The following GRIK4 variants were observed in gnomAD, a reference collection of about 807,000 sequenced individuals.
The protein encoded by GRIK4 is glutamate ionotropic receptor kainate type subunit 4, also known as glutamate receptor ionotropic, kainate 4.
In GRIK4, 40 loss-of-function variants were observed where a neutral mutation model predicts 104.9. The ratio of observed to expected loss-of-function variants is 0.38; its 90% confidence interval spans 0.30 to 0.50. The LOEUF (loss-of-function observed/expected upper bound fraction) is 0.50, where lower values mean the gene tolerates loss of function less well. Among genes scored for constraint, GRIK4 ranks in the 20% least tolerant of loss-of-function variants. The pLI, the probability that GRIK4 is intolerant of heterozygous loss-of-function variation, is 0.93. For synonymous variants in GRIK4, 485 were observed against 524.9 expected (o/e 0.92, Z 1.04); for missense variants, 1,047 against 1,308.1 (o/e 0.80, Z 3.08).
At chr11:120,774,284 G>C (rs1475756073) in intron 3 of GRIK4, among the ~76,000 whole-genome samples, 1 of 152,216 alleles carries the variant, frequency 6.6e-6, no homozygotes, top group African/African-American at 2.4e-5. Flanking sequence ...TAGGGTTAGA[G>C]AGCTGTGTAT....
At chr11:120,526,550 A>G (rs1328086917) in intron 1 of GRIK4, among the ~76,000 whole-genome samples, 2 of 152,204 alleles carry the variant, frequency 1.3e-5, no homozygotes, top group Non-Finnish European at 2.9e-5. Context: ...GTTTGTTTTT[A>G]GGCCGGGCAC....
At chr11:120,898,411 C>G (rs1446281938) in intron 11 of GRIK4, 121 bp from the exon 12 acceptor site, 1 of 659,008 alleles carries the variant, frequency 1.5e-6, no homozygotes, top group Admixed American at 2.3e-5. Context: ...GCCCCCGGCT[C>G]CGTACTCCAC....
chr11:120,861,371 G>A (rs1954259426), intron 8 of GRIK4, among the ~76,000 whole-genome samples: 2 of 152,064 alleles, frequency 1.3e-5, no homozygotes, highest in Non-Finnish European at 2.9e-5. Flanking sequence ...GCCTCCCAAA[G>A]TGCTGGGATT....
intron 3 of GRIK4, among the ~76,000 whole-genome samples, chr11:120,699,535 G>T (rs968081369): frequency 3.2e-5 from 3 of 92,902 alleles, no homozygotes; most frequent in African/African-American, 5.1e-5. Flanking sequence ...AGTCAGGTGT[G>T]TGTATGTGTG....
At position 120,885,531 on chromosome 11, in the gene GRIK4, G is replaced by A. The variant is rs575594908; in HGVS notation, c.1164+10288G>A. 3.2e-4 allele frequency among the ~76,000 whole-genome samples: 49 copies of A among 152,132 alleles called. No homozygotes were observed. The South Asian group carries it at 9.8e-3, about 30-fold the overall frequency. ...CTCCTAAGTAGCTGAGATTACAGGC[G>A]CCTACCACCACGGCTGGCTAATTTT... On this transcript the variant is annotated intron_variant, in intron 11 of 20. Transcript: ENST00000527524.
intron 3 of GRIK4, among the ~76,000 whole-genome samples, chr11:120,768,199 T>C (rs1951872406): frequency 6.6e-6 from 1 of 152,054 alleles, no homozygotes; most frequent in South Asian, 2.1e-4. Context: ...ATCTTTCCAT[T>C]TATTTGTTTA....
intron 19 of GRIK4, among the ~76,000 whole-genome samples, chr11:120,972,380 C>T (rs543980330): frequency 6.6e-6 from 1 of 152,236 alleles, no homozygotes; most frequent in East Asian, 1.9e-4. Context: ...GCTTTAAGTT[C>T]CAAAATAAGT....
intron 3 of GRIK4, among the ~76,000 whole-genome samples, chr11:120,721,514 G>A (rs1394392477): frequency 2.0e-5 from 3 of 152,196 alleles, no homozygotes; most frequent in Non-Finnish European, 4.4e-5. Flanking sequence ...GAGGTCCTGG[G>A]ATCACTCAGG....
At chr11:120,696,201 C>T (rs555153320) in intron 3 of GRIK4, among the ~76,000 whole-genome samples, 235 of 152,226 alleles carry the variant, frequency 1.5e-3, no homozygotes, top group African/African-American at 5.4e-3. Flanking sequence ...GCTAATTAAC[C>T]CTGGGAGTGC....
intron 1 of GRIK4, among the ~76,000 whole-genome samples, chr11:120,651,975 G>A (rs1949625415): frequency 6.6e-6 from 1 of 152,204 alleles, no homozygotes; most frequent in African/African-American, 2.4e-5. Context: ...GAAGGTGGGT[G>A]TAGTGAGTGA....
intron 1 of GRIK4, among the ~76,000 whole-genome samples, chr11:120,529,775 T>C (rs1947904203): frequency 6.6e-6 from 1 of 152,218 alleles, no homozygotes; most frequent in South Asian, 2.1e-4. Flanking sequence ...TGCTTTCACA[T>C]CCAGCATCTC....
In GRIK4 at chr11:120,519,889, T is replaced by TG. The variant is rs1555132644; in HGVS notation, c.-159+8002_-159+8003insG. 4.5e-3 allele frequency among the ~76,000 whole-genome samples: 660 copies of TG among 146,424 alleles called. 8 individuals are homozygous for TG. Among genetic ancestry groups the TG allele is most frequent in the African/African-American group, 0.016 (639 of 38,754 alleles). ...GGTTTTTTTTTTTTTTGTTTTTTTT[T>TG]TTGTTGTTGTTGTTTTTTTTTGAGA... is the stretch of plus-strand genomic sequence containing the variant. On this transcript the variant is annotated intron_variant, in intron 1 of 20. Coordinates refer to ENST00000527524, the MANE Select transcript of GRIK4 (RefSeq NM_014619.5).
intron 3 of GRIK4, among the ~76,000 whole-genome samples, chr11:120,753,563 T>G (rs1951599247): frequency 6.6e-6 from 1 of 152,184 alleles, no homozygotes; most frequent in South Asian, 2.1e-4. Context: ...GTGTTGAATT[T>G]GAATGAGAGA....
At chr11:120,691,646 G>C (rs1039975666) in intron 3 of GRIK4, among the ~76,000 whole-genome samples, 6 of 152,210 alleles carry the variant, frequency 3.9e-5, no homozygotes. Context: ...GTAGCATTTA[G>C]GTGAGGGAAT....
intron 3 of GRIK4, among the ~76,000 whole-genome samples, chr11:120,773,406 G>A (rs7938295): frequency 0.1 from 15,880 of 152,282 alleles, 1,770 homozygotes; most frequent in African/African-American, 0.28. Context: ...TGGATAAAAT[G>A]TAATAACAAA....
chr11:120,629,020 G>A lies in GRIK4; in HGVS notation c.-158-24665G>A, dbSNP rs1309561929. On this transcript the variant is annotated intron_variant, in intron 1 of 20. Transcript: ENST00000527524. Reference sequence around the variant, plus strand: ...AGATGAAATCACCACCGAGCAAGGCGGCAGAAGGAGGCACGCGGCCGCTGA... The same window carrying A: ...AGATGAAATCACCACCGAGCAAGGCAGCAGAAGGAGGCACGCGGCCGCTGA... Among the ~76,000 whole-genome samples, 5 of 152,184 alleles carry A rather than the reference G, an allele frequency of 3.3e-5. No homozygotes were observed. In the East Asian group the frequency reaches 5.8e-4, roughly 18 times the overall value.
intron 3 of GRIK4, among the ~76,000 whole-genome samples, chr11:120,668,175 G>A (rs1949952260): frequency 6.6e-6 from 1 of 151,884 alleles, no homozygotes; most frequent in Admixed American, 6.6e-5. Flanking sequence ...ACATAGGTAG[G>A]TAGATAGAGA....
chr11:120,827,722 T>G (rs1953305196), intron 6 of GRIK4, among the ~76,000 whole-genome samples: 1 of 152,350 alleles, frequency 6.6e-6, no homozygotes, highest in South Asian at 2.1e-4. Flanking sequence ...CTCTTCTGAT[T>G]CATAAAATTA....
At chr11:120,918,799 A>G (rs10892640) in intron 13 of GRIK4, among the ~76,000 whole-genome samples, 56,420 of 152,076 alleles carry the variant, frequency 0.37, 10,811 homozygotes, top group Admixed American at 0.41. Flanking sequence ...GGAGGGAAGC[A>G]TTTCAGCCGG....
Sources: gnomAD v4.1 joint callset for allele counts (sites outside exome capture counted in the v4.1 genomes callset) on GRCh38, gnomAD v4.1.1 for gene constraint, MANE v1.5 for transcripts, NCBI Gene and HGNC (gene_info 2026-07-23, HGNC 2026-07-21) for gene names.